Variants in CACNA1A observed in about 807,000 individuals in gnomAD.
The protein encoded by CACNA1A is calcium voltage-gated channel subunit alpha1 A.
Under a neutral mutation model 262.4 loss-of-function variants are expected in CACNA1A, and 57 were observed. That is an observed-to-expected ratio of 0.22 (90% CI 0.18 to 0.27). The LOEUF (loss-of-function observed/expected upper bound fraction) is 0.27. Among genes scored for constraint, CACNA1A ranks in the 10% least tolerant of loss-of-function variants. The probability of loss-of-function intolerance (pLI) is 1.00; values close to 1 mark genes in which losing one functional copy is unlikely to be tolerated. For synonymous variants in CACNA1A, 1,431 were observed against 1,419.3 expected (o/e 1.01, Z -0.18); for missense variants, 2,526 against 3,562.8 (o/e 0.71, Z 7.41).
intron 5 of CACNA1A, among the ~76,000 whole-genome samples, chr19:13,360,363 T>C (rs1286945462): frequency 6.6e-6 from 1 of 151,388 alleles, no homozygotes; most frequent in Non-Finnish European, 1.5e-5. Context: ...AACAATATAA[T>C]GATTCACCAT....
intron 3 of CACNA1A, among the ~76,000 whole-genome samples, chr19:13,390,485 A>C (rs995694167): frequency 2.6e-5 from 4 of 152,230 alleles, no homozygotes; most frequent in Non-Finnish European, 5.9e-5. Context: ...CTGTGCTGCC[A>C]AATATGGTAG....
chr19:13,347,370 G>A (rs950241844), intron 6 of CACNA1A, among the ~76,000 whole-genome samples: 1 of 151,812 alleles, frequency 6.6e-6, no homozygotes, highest in African/African-American at 2.4e-5. Context: ...CCGGCCATTC[G>A]GGGTGTATAA....
intron 3 of CACNA1A, among the ~76,000 whole-genome samples, chr19:13,432,103 C>CA (rs71170513): frequency 0.026 from 1,650 of 63,116 alleles, 38 homozygotes; most frequent in East Asian, 0.1. Context: ...GACTCCGTCT[C>CA]AAAAAAAAAA....
chr19:13,440,244 G>T (rs928933549), intron 3 of CACNA1A, among the ~76,000 whole-genome samples: 2 of 152,178 alleles, frequency 1.3e-5, no homozygotes, highest in Non-Finnish European at 2.9e-5. Flanking sequence ...GATTACAGGC[G>T]TGAGCCACTG....
rs530607540 is a variant in CACNA1A at position 13,412,483 on chromosome 19, C to CT, written c.539+40392dup. Among the ~76,000 whole-genome samples, 1,016 of 145,014 alleles carry CT rather than the reference C, an allele frequency of 7.0e-3. 13 individuals are homozygous for CT. Among genetic ancestry groups the CT allele is most frequent in the African/African-American group, 0.015 (610 of 39,762 alleles). On this transcript the variant is annotated intron_variant, in intron 3 of 46. Coordinates refer to ENST00000360228, the MANE Select transcript of CACNA1A (RefSeq NM_001127222.2). Reference sequence around the variant, plus strand: ...TTATAACCTTTCTTTTTTTTCTTTTCTTTTTTTTTTTTGAGATGGAGTCTC... The same window carrying CT: ...TTATAACCTTTCTTTTTTTTCTTTTCTTTTTTTTTTTTTGAGATGGAGTCTC...
chr19:13,379,339 C>T (rs1049403802), intron 3 of CACNA1A, among the ~76,000 whole-genome samples: 1 of 151,932 alleles, frequency 6.6e-6, no homozygotes, highest in African/African-American at 2.4e-5. Flanking sequence ...ATGCACTTAA[C>T]AGACTATAGT....
chr19:13,307,648 A>T (rs2057932039), intron 15 of CACNA1A, 134 bp downstream of exon 15: 1 of 682,088 alleles, frequency 1.5e-6, no homozygotes, highest in African/African-American at 1.8e-5. Flanking sequence ...TAACCATAAA[A>T]TCTGTGTTTC....
At chr19:13,394,187 C>T (rs2059770253) in intron 3 of CACNA1A, among the ~76,000 whole-genome samples, 1 of 152,078 alleles carries the variant, frequency 6.6e-6, no homozygotes, top group African/African-American at 2.4e-5. Flanking sequence ...TGGGTCCTAT[C>T]ATTCCCTCTA....
chr19:13,303,818 C>G lies in CACNA1A; in HGVS notation c.2053G>C (p.Gly685Arg). The G allele has an allele frequency of 6.2e-7, 1 of 1,613,732 alleles. No homozygotes were observed. Among genetic ancestry groups the G allele is most frequent in the Non-Finnish European group, 8.5e-7 (1 of 1,179,730 alleles). ...AAATAGATGGAGAACACCATGCCGC[C>G]CTGCACGCCCCCCTGAGACTTGATC... ...DGIKSQGGVQ[G>R]GMVFSIYFIV... The change falls in exon 16 of 47, where the codon GGC becomes CGC. Residue 685 changes from glycine (G) to arginine (R), a missense_variant. Transcript: ENST00000360228.
chr19:13,244,881 G>A (rs2056184751), intron 31 of CACNA1A: 1 of 358,814 alleles, frequency 2.8e-6, no homozygotes, highest in Non-Finnish European at 5.1e-6. Flanking sequence ...GCTTTTGAGT[G>A]TCTCAGTTCC....
chr19:13,411,717 C>CA lies in CACNA1A; in HGVS notation c.540-39939dup, dbSNP rs1568619133. Reference sequence around the variant, plus strand: ...CCTTCTCTCTCTCTCTCTCTCTCCCCATTCTCCTTTTTGAGACAGGGTCTC... The same window carrying CA: ...CCTTCTCTCTCTCTCTCTCTCTCCCCAATTCTCCTTTTTGAGACAGGGTCTC... On this transcript the variant is annotated intron_variant, in intron 3 of 46. Coordinates refer to ENST00000360228, the MANE Select transcript of CACNA1A (RefSeq NM_001127222.2). Among the ~76,000 whole-genome samples, 417 of 151,418 alleles carry CA rather than the reference C, an allele frequency of 2.8e-3. 1 individual carries two copies. Among genetic ancestry groups the CA allele is most frequent in the African/African-American group, 9.6e-3 (395 of 41,248 alleles).
chr19:13,412,848 T>C (rs2060136000), intron 3 of CACNA1A, among the ~76,000 whole-genome samples: 1 of 152,158 alleles, frequency 6.6e-6, no homozygotes. Context: ...GTAGAAAGGG[T>C]CCACTGATTT....
intron 3 of CACNA1A, among the ~76,000 whole-genome samples, chr19:13,449,778 G>C (rs1030711576): frequency 1.3e-5 from 2 of 152,204 alleles, no homozygotes; most frequent in Non-Finnish European, 2.9e-5. Flanking sequence ...ATTCAGGAAA[G>C]TGCCCCTGGA....
At chr19:13,339,316 T>C (rs2058635274) in intron 6 of CACNA1A, among the ~76,000 whole-genome samples, 1 of 152,126 alleles carries the variant, frequency 6.6e-6, no homozygotes, top group African/African-American at 2.4e-5. Flanking sequence ...AGGAGGTCCC[T>C]AGAGTCGTCA....
chr19:13,390,390 G>C (rs1267030655), intron 3 of CACNA1A, among the ~76,000 whole-genome samples: 4 of 152,182 alleles, frequency 2.6e-5, no homozygotes, highest in African/African-American at 9.7e-5. Context: ...GGGATTACAG[G>C]TGTGAGCCAC....
At chr19:13,462,073 T>C (rs1421621350) in intron 1 of CACNA1A, among the ~76,000 whole-genome samples, 1 of 152,204 alleles carries the variant, frequency 6.6e-6, no homozygotes, top group Non-Finnish European at 1.5e-5. Flanking sequence ...GCTCTTCAGA[T>C]TCAGAACATG....
At chr19:13,390,098 C>A (rs890970388) in intron 3 of CACNA1A, among the ~76,000 whole-genome samples, 1 of 152,046 alleles carries the variant, frequency 6.6e-6, no homozygotes. Context: ...CAGGCGGGAG[C>A]CACTATGCCC....
In CACNA1A at chr19:13,286,583, T is replaced by G. The variant is rs776450313; in HGVS notation, c.3473A>C (p.Lys1158Thr). The G allele has an allele frequency of 5.2e-6, 8 of 1,547,256 alleles. No homozygotes were observed. Among genetic ancestry groups the G allele is most frequent in the Non-Finnish European group, 6.9e-6 (8 of 1,151,112 alleles). ...NPSGTQTNSA[K>T]TARKPDHTTV... ...GGTGTGGTCGGGTTTCCTGGCAGTC[T>G]TAGCTGAATTGGTCTGGGTGCCGCT... The change falls in exon 20 of 47, where the codon AAG becomes ACG. Residue 1158 changes from lysine to threonine, a missense_variant. Around this residue, in one of 17 missense-constraint regions of CACNA1A, gnomAD observed 765 missense variants for 748.6 expected, o/e 1.02. Transcript: ENST00000360228.
chr19:13,252,141 C>A (rs552862211), intron 30 of CACNA1A, among the ~76,000 whole-genome samples: 4 of 151,926 alleles, frequency 2.6e-5, no homozygotes, highest in Admixed American at 2.6e-4. Context: ...TAGCTCACTG[C>A]AACCTCCACC....
Sources: allele counts gnomAD v4.1 joint callset (sites outside exome capture counted in the v4.1 genomes callset), GRCh38; gene constraint gnomAD v4.1.1; regional missense constraint gnomAD v4.1.1; transcripts MANE v1.5; gene names NCBI Gene and HGNC (gene_info 2026-07-23, HGNC 2026-07-21).